COPS5: variants seen among roughly 807,000 people sequenced by gnomAD.
The protein encoded by COPS5 is COP9 signalosome subunit 5.
A neutral mutation model predicts 44.4 loss-of-function variants in COPS5; 8 were observed. The observed-to-expected ratio is 0.18, with a 90% CI of 0.11 to 0.32. The LOEUF (loss-of-function observed/expected upper bound fraction) is 0.32, where lower values mean the gene tolerates loss of function less well. Ranked by LOEUF, COPS5 falls within the 10% of genes least tolerant of loss-of-function variation. COPS5 has a pLI of 1.00. For synonymous variants in COPS5, 122 were observed against 142.8 expected, an observed-to-expected ratio of 0.85 and a Z score of 1.04; for missense variants, 159 against 406.4, an observed-to-expected ratio of 0.39 and a Z score of 5.23.
chr8:67,043,403 C>T, intron 7 of COPS5, 86 bp from the exon 8 acceptor site: 1 of 756,564 alleles, frequency 1.3e-6, no homozygotes, highest in South Asian at 1.7e-5. Context: ...ATCCATGTAA[C>T]TCCAATGAGT....
intron 2 of COPS5, 24 bp from the exon 3 acceptor site, chr8:67,058,235 G>A: frequency 6.2e-7 from 1 of 1,609,756 alleles, no homozygotes; most frequent in Non-Finnish European, 8.5e-7. Context: ...GGGCAAAAAA[G>A]TTTAAGATTA....
At chr8:67,057,949 T>G in intron 3 of COPS5, 134 bp downstream of exon 3, 1 of 886,518 alleles carries the variant, frequency 1.1e-6, no homozygotes, top group Non-Finnish European at 1.7e-6. Context: ...TTCTAAGAGA[T>G]GGAATTCACA....
chr8:67,061,412 A>G, intron 1 of COPS5: 1 of 452,804 alleles, frequency 2.2e-6, no homozygotes, highest in African/African-American at 2.0e-5. Flanking sequence ...CAACACAGCG[A>G]GGACCCATTT....
At position 67,047,632 on chromosome 8, in the gene COPS5, A is replaced by C. The variant is rs1816717387; in HGVS notation, c.772-1672T>G. On this transcript the variant is annotated intron_variant, in intron 6 of 7. Transcript: ENST00000357849. ...AACATATATCTACATATTTGTTCTT[A>C]AAATGCTGCAATGTACTATACATAA... 3 of 478,058 alleles carry C rather than the reference A, an allele frequency of 6.3e-6. No individual in the cohort carries two copies. The East Asian group carries it at 8.9e-5, about 14-fold the overall frequency. The allele number at this position is 478,058 out of a possible 1,614,324, so 29.6% of individuals were successfully genotyped here. A position where few individuals can be genotyped will look rare whatever the true frequency, so the allele number is the denominator to read the frequency against.
At chr8:67,052,820 TAAA>T (rs750238033) in intron 5 of COPS5, among the ~76,000 whole-genome samples, 1 of 114,064 alleles carries the variant, frequency 8.8e-6, no homozygotes, top group Non-Finnish European at 1.9e-5. Context: ...GACTCTGTCT[TAAA>T]AAAAAAAAAA....
intron 5 of COPS5, among the ~76,000 whole-genome samples, chr8:67,051,992 T>A (rs1424974970): frequency 1.3e-5 from 2 of 152,158 alleles, no homozygotes; most frequent in Non-Finnish European, 2.9e-5. Flanking sequence ...TGAGACATCT[T>A]TACCTTAAGG....
At chr8:67,061,274 T>C in intron 1 of COPS5, 1 of 365,410 alleles carries the variant, frequency 2.7e-6, no homozygotes. Flanking sequence ...AGCCTCCGTG[T>C]GCCTCCGAAA....
chr8:67,044,607 T>C (rs921829069), intron 7 of COPS5: 9 of 152,040 alleles, frequency 5.9e-5, no homozygotes, highest in African/African-American at 2.2e-4. Flanking sequence ...TTCTTTCTTT[T>C]TTTTTTTTGG....
At chr8:67,048,793 TA>T (rs536333227) in intron 6 of COPS5, among the ~76,000 whole-genome samples, 8 of 151,936 alleles carry the variant, frequency 5.3e-5, no homozygotes, top group Admixed American at 3.9e-4. Context: ...TGCACCAAAT[TA>T]AAAAAAATCA....
At chr8:67,059,110 T>C (rs144479699) in intron 2 of COPS5, 101 bp downstream of exon 2, 2 of 700,294 alleles carry the variant, frequency 2.9e-6, no homozygotes, top group East Asian at 2.8e-5. Flanking sequence ...AATTTAAATA[T>C]AAAATTTCAT....
intron 6 of COPS5, among the ~76,000 whole-genome samples, chr8:67,048,173 G>A (rs1276580973): frequency 6.6e-6 from 1 of 152,052 alleles, no homozygotes; most frequent in Non-Finnish European, 1.5e-5. Context: ...GGAGGCCGAG[G>A]TGGGAAAATC....
intron 5 of COPS5, 31 bp from the exon 6 acceptor site, chr8:67,051,372 TAA>T: frequency 1.2e-5 from 13 of 1,102,744 alleles, no homozygotes; most frequent in African/African-American, 1.6e-5. Flanking sequence ...ATTTAGTAAG[TAA>T]AAAAAAAAAT....
At chr8:67,046,661 A>G (rs960580016) in intron 6 of COPS5, among the ~76,000 whole-genome samples, 1 of 151,660 alleles carries the variant, frequency 6.6e-6, no homozygotes, top group African/African-American at 2.4e-5. Flanking sequence ...TCTCTACTAA[A>G]AATACAAAAA....
chr8:67,043,523 CA>C, intron 7 of COPS5: 1 of 393,854 alleles, frequency 2.5e-6, no homozygotes, highest in Non-Finnish European at 4.5e-6. Flanking sequence ...AGAACTTTCA[CA>C]AGAGAATGAC....
intron 5 of COPS5, among the ~76,000 whole-genome samples, chr8:67,054,319 C>T (rs1804466670): frequency 1.3e-5 from 2 of 152,040 alleles, no homozygotes; most frequent in Non-Finnish European, 2.9e-5. Context: ...TTTGATACAA[C>T]TCAATATAAA....
At chr8:67,046,939 ATC>A (rs1816709024) in intron 6 of COPS5, among the ~76,000 whole-genome samples, 1 of 151,988 alleles carries the variant, frequency 6.6e-6, no homozygotes, top group Non-Finnish European at 1.5e-5. Context: ...CACATCTATA[ATC>A]TCTTCACTTA....
chr8:67,046,996 A>T (rs1329504093), intron 6 of COPS5, among the ~76,000 whole-genome samples: 4 of 152,152 alleles, frequency 2.6e-5, no homozygotes, highest in African/African-American at 9.7e-5. Context: ...TCACATGTAT[A>T]TCTACATTTG....
intron 5 of COPS5, among the ~76,000 whole-genome samples, chr8:67,054,906 C>G (rs970686171): frequency 2.6e-5 from 4 of 152,156 alleles, no homozygotes; most frequent in African/African-American, 7.2e-5. Flanking sequence ...CAAAACATAT[C>G]AGATGGTTAC....
intron 6 of COPS5, among the ~76,000 whole-genome samples, chr8:67,047,104 T>C (rs1049144419): frequency 2.0e-5 from 3 of 152,146 alleles, no homozygotes; most frequent in African/African-American, 7.2e-5. Context: ...AGTTATTAAG[T>C]ATACATTATA....
Sources: allele counts gnomAD v4.1 joint callset (sites outside exome capture counted in the v4.1 genomes callset), GRCh38; gene constraint gnomAD v4.1.1; transcripts MANE v1.5; gene names NCBI Gene and HGNC (gene_info 2026-07-23, HGNC 2026-07-21).